The following DDX10 variants were observed in gnomAD, a reference collection of about 807,000 sequenced individuals.
DDX10 encodes the protein DEAD-box helicase 10.
Under a neutral mutation model 104.3 loss-of-function variants are expected in DDX10, and 74 were observed. That is an observed-to-expected ratio of 0.71 (90% CI 0.59 to 0.86). DDX10 has a LOEUF of 0.86. Ranked by LOEUF, DDX10 falls within the 40% of genes least tolerant of loss-of-function variation. The pLI is 0.00. For synonymous variants in DDX10, 351 were observed against 353.4 expected (o/e 0.99, Z 0.08); for missense variants, 952 against 1,040.0 (o/e 0.92, Z 1.16).
At chr11:108,715,798 A>G in intron 10 of DDX10, 81 bp from the exon 11 acceptor site, 1 of 714,352 alleles carries the variant, frequency 1.4e-6, no homozygotes, top group Non-Finnish European at 2.4e-6. Flanking sequence ...AATACTGAGG[A>G]AAATAGGAAA....
At chr11:108,927,581 A>G (rs568846381) in intron 17 of DDX10, among the ~76,000 whole-genome samples, 72 of 151,764 alleles carry the variant, frequency 4.7e-4, no homozygotes, top group African/African-American at 1.6e-3. Context: ...TTCCCAGAAG[A>G]TGTTTTTCTT....
At chr11:108,808,281 T>C (rs1862127777) in intron 13 of DDX10, among the ~76,000 whole-genome samples, 1 of 151,920 alleles carries the variant, frequency 6.6e-6, no homozygotes, top group Non-Finnish European at 1.5e-5. Flanking sequence ...GAGAATGTAA[T>C]ATGTAGACTA....
intron 1 of DDX10, among the ~76,000 whole-genome samples, chr11:108,668,976 C>T (rs375766149): frequency 1.3e-5 from 2 of 152,138 alleles, no homozygotes; most frequent in Admixed American, 6.5e-5. Flanking sequence ...TGCAGCCTCA[C>T]GTCTGGCTTG....
intron 17 of DDX10, among the ~76,000 whole-genome samples, chr11:108,928,511 G>A (rs568860587): frequency 1.3e-5 from 2 of 152,278 alleles, no homozygotes; most frequent in South Asian, 4.1e-4. Flanking sequence ...TTTGCAACAG[G>A]GAAAGTAGTT....
At chr11:108,680,443 GA>G (rs1044383183) in intron 6 of DDX10, among the ~76,000 whole-genome samples, 2 of 152,144 alleles carry the variant, frequency 1.3e-5, no homozygotes, top group African/African-American at 4.8e-5. Flanking sequence ...TCAAATTCCT[GA>G]GATCAAGCAA....
chr11:108,721,060 A>G (rs1397361651), intron 12 of DDX10, among the ~76,000 whole-genome samples: 1 of 152,154 alleles, frequency 6.6e-6, no homozygotes, highest in Non-Finnish European at 1.5e-5. Flanking sequence ...CTATGGTGAA[A>G]TATGTGATTA....
intron 1 of DDX10, among the ~76,000 whole-genome samples, chr11:108,669,732 G>A (rs1360359603): frequency 6.6e-6 from 1 of 152,202 alleles, no homozygotes; most frequent in Admixed American, 6.5e-5. Flanking sequence ...TCCTGGATTA[G>A]GTGGGCCCAA....
Position 108,907,584 on chromosome 11 carries a change from A to G in DDX10, c.2305-10289A>G, listed in dbSNP as rs572926234. On this transcript the variant is annotated intron_variant, in intron 16 of 17. Transcript: ENST00000322536. ...TTCCCATTGCCTCTCATCCCCTCAA[A>G]TTTCTACATGGTTAGGTGGCCAGAG... 2.6e-5 allele frequency among the ~76,000 whole-genome samples: 4 copies of G among 151,970 alleles called. No homozygotes were observed. In the East Asian group the frequency reaches 7.7e-4, roughly 29 times the overall value.
intron 13 of DDX10, among the ~76,000 whole-genome samples, chr11:108,746,977 T>C (rs2094332596): frequency 6.6e-6 from 1 of 152,134 alleles, no homozygotes; most frequent in Admixed American, 6.6e-5. Context: ...CCAAGAATTG[T>C]AGTTATAAGG....
In DDX10 at chr11:108,911,607, T is replaced by A. The variant is rs775654280; in HGVS notation, c.2305-6266T>A. On this transcript the variant is annotated intron_variant, in intron 16 of 17. Coordinates refer to ENST00000322536, the MANE Select transcript of DDX10 (RefSeq NM_004398.4). The stretch of plus-strand genomic sequence containing the variant: ...TTTTTTGAGACAGGACCTAGCTCTA[T>A]CACCCACTGGCGTGCAGTGGCATGA... Among the ~76,000 whole-genome samples the A allele has an allele frequency of 3.7e-3, 422 of 113,828 alleles. 1 individual carries two copies. The highest frequency in any genetic ancestry group is 5.3e-3 in the Non-Finnish European group (323 of 60,662). 74.7% of individuals were successfully genotyped at this position (113,828 alleles called of 152,430 possible). A position where few individuals can be genotyped will look rare whatever the true frequency, so the allele number is the denominator to read the frequency against.
intron 16 of DDX10, among the ~76,000 whole-genome samples, chr11:108,911,562 T>C (rs1863679818): frequency 3.5e-4 from 3 of 8,540 alleles, no homozygotes; most frequent in African/African-American, 5.1e-4. Context: ...TCTTCTTTTT[T>C]TTTTTTTTTT....
At chr11:108,691,839 T>C in intron 7 of DDX10, 37 bp from the exon 8 acceptor site, 1 of 1,582,544 alleles carries the variant, frequency 6.3e-7, no homozygotes. Context: ...TGCTGCCATC[T>C]GCCATAAGCA....
chr11:108,732,958 G>A (rs1359935233), intron 13 of DDX10, among the ~76,000 whole-genome samples: 2 of 152,048 alleles, frequency 1.3e-5, no homozygotes, highest in African/African-American at 4.8e-5. Context: ...ATGAGACTGG[G>A]TAGATTCCAT....
chr11:108,806,052 C>T (rs1345594959), intron 13 of DDX10, among the ~76,000 whole-genome samples: 2 of 152,104 alleles, frequency 1.3e-5, no homozygotes, highest in African/African-American at 4.8e-5. Flanking sequence ...ACCTACGCCT[C>T]CTGGGTTCAA....
intron 16 of DDX10, among the ~76,000 whole-genome samples, chr11:108,889,621 C>T (rs1036881322): frequency 6.6e-6 from 1 of 152,024 alleles, no homozygotes; most frequent in Non-Finnish European, 1.5e-5. Context: ...TTCTGTAGCT[C>T]ACATTGTAAG....
Position 108,706,724 on chromosome 11 carries a change from T to C in DDX10, c.1224-15T>C. ...TTGCATTGATGTGTTAAAGATTTTG[T>C]TTCTTTTTGTTTAGGTACAAAGAGG... On this transcript the variant is annotated splice_polypyrimidine_tract_variant and intron_variant, in intron 9 of 17. Transcript: ENST00000322536. The C allele has an allele frequency of 6.2e-7, 1 of 1,604,112 alleles. No homozygotes were observed. The highest frequency in any genetic ancestry group is 8.5e-7 in the Non-Finnish European group (1 of 1,170,892).
At chr11:108,789,821 A>G (rs1306020797) in intron 13 of DDX10, among the ~76,000 whole-genome samples, 4 of 152,214 alleles carry the variant, frequency 2.6e-5, no homozygotes, top group African/African-American at 9.7e-5. Context: ...CGATTAACTC[A>G]ATAACATTGT....
At chr11:108,906,950 A>G (rs144177732) in intron 16 of DDX10, among the ~76,000 whole-genome samples, 1 of 152,220 alleles carries the variant, frequency 6.6e-6, no homozygotes, top group East Asian at 1.9e-4. Flanking sequence ...TGTGTCTCAG[A>G]TTACATTCTT....
intron 16 of DDX10, among the ~76,000 whole-genome samples, chr11:108,883,834 G>A (rs1863259672): frequency 6.6e-6 from 1 of 152,112 alleles, no homozygotes; most frequent in Non-Finnish European, 1.5e-5. Flanking sequence ...TCTCCTTGAA[G>A]CCCTTCTTCA....
Sources: gnomAD v4.1 joint callset for allele counts (sites outside exome capture counted in the v4.1 genomes callset) on GRCh38, gnomAD v4.1.1 for gene constraint, MANE v1.5 for transcripts, NCBI Gene and HGNC (gene_info 2026-07-23, HGNC 2026-07-21) for gene names.